Variants in LATS2 observed in about 807,000 individuals in gnomAD.
LATS2 encodes large tumor suppressor kinase 2, also known as serine/threonine-protein kinase LATS2.
A neutral mutation model predicts 76.0 loss-of-function variants in LATS2; 24 were observed. The observed-to-expected ratio is 0.32, with a 90% CI of 0.23 to 0.44. LATS2 has a LOEUF of 0.44. Ranked by LOEUF, LATS2 falls within the 20% of genes least tolerant of loss-of-function variation. The pLI, the probability that LATS2 is intolerant of heterozygous loss-of-function variation, is 1.00. For synonymous variants in LATS2, 692 were observed against 635.4 expected (o/e 1.09, Z -1.34); for missense variants, 1,286 against 1,481.2 (o/e 0.87, Z 2.16).
chr13:21,018,939 C>A (rs905670202), intron 2 of LATS2, among the ~76,000 whole-genome samples: 2 of 152,104 alleles, frequency 1.3e-5, no homozygotes, highest in African/African-American at 4.8e-5. Flanking sequence ...AGCCACTGTG[C>A]CTGGACCCGA....
intron 2 of LATS2, among the ~76,000 whole-genome samples, chr13:21,023,801 C>T (rs1303005506): frequency 2.6e-5 from 4 of 151,796 alleles, no homozygotes; most frequent in Admixed American, 2.6e-4. Context: ...TGGAGAAACC[C>T]CGTCTCTACT....
chr13:21,003,191 T>C (rs1260500911), intron 2 of LATS2, among the ~76,000 whole-genome samples: 1 of 151,138 alleles, frequency 6.6e-6, no homozygotes, highest in African/African-American at 2.4e-5. Context: ...TGTTCCATTA[T>C]TGATTGCTGG....
chr13:20,979,294 C>A (rs948248632), intron 7 of LATS2, among the ~76,000 whole-genome samples: 6 of 152,004 alleles, frequency 3.9e-5, no homozygotes, highest in Non-Finnish European at 8.8e-5. Flanking sequence ...GGGTTTGGCA[C>A]CCCAAACCCC....
chr13:20,985,568 G>A (rs972457422), intron 4 of LATS2, among the ~76,000 whole-genome samples: 4 of 151,790 alleles, frequency 2.6e-5, no homozygotes, highest in Non-Finnish European at 1.5e-5. Flanking sequence ...GTGAAACCCC[G>A]TCTCTACTAA....
chr13:21,056,829 T>C (rs1042138455), intron 1 of LATS2, among the ~76,000 whole-genome samples: 1 of 152,222 alleles, frequency 6.6e-6, no homozygotes, highest in Non-Finnish European at 1.5e-5. Flanking sequence ...GAGAAAGGGA[T>C]GTTTCACCAA....
At chr13:21,059,527 C>T (rs1214707495) in intron 1 of LATS2, among the ~76,000 whole-genome samples, 4 of 151,932 alleles carry the variant, frequency 2.6e-5, no homozygotes, top group Non-Finnish European at 5.9e-5. Context: ...ACCCAGGAGG[C>T]GAGGTTGCAG....
chr13:21,044,735 T>C (rs1008586378), intron 2 of LATS2, among the ~76,000 whole-genome samples: 12 of 107,164 alleles, frequency 1.1e-4, no homozygotes, highest in Middle Eastern at 6.7e-3. Flanking sequence ...TGTGTGTGTG[T>C]GTGTTTTAAA....
At chr13:21,018,105 T>A (rs1045859570) in intron 2 of LATS2, 2 of 152,228 alleles carry the variant, frequency 1.3e-5, no homozygotes, top group East Asian at 3.8e-4. Context: ...ACTGGCTAGT[T>A]TTGATCTGAG....
At chr13:21,022,140 A>C (rs937601430) in intron 2 of LATS2, among the ~76,000 whole-genome samples, 4 of 152,226 alleles carry the variant, frequency 2.6e-5, no homozygotes, top group African/African-American at 9.6e-5. Context: ...CAATTAAATC[A>C]GAACTTCTAA....
chr13:21,003,584 G>T (rs1162991726), intron 2 of LATS2, among the ~76,000 whole-genome samples: 1 of 151,988 alleles, frequency 6.6e-6, no homozygotes, highest in East Asian at 1.9e-4. Flanking sequence ...GGGATTACAG[G>T]TGCCTCGCCA....
At chr13:20,997,856 CA>C (rs1484272276) in intron 2 of LATS2, among the ~76,000 whole-genome samples, 2 of 152,188 alleles carry the variant, frequency 1.3e-5, no homozygotes, top group Non-Finnish European at 2.9e-5. Context: ...AATGCAGTGA[CA>C]ATTATTATGT....
At chr13:20,993,797 A>G (rs949554927) in intron 2 of LATS2, among the ~76,000 whole-genome samples, 1 of 152,174 alleles carries the variant, frequency 6.6e-6, no homozygotes, top group African/African-American at 2.4e-5. Context: ...GATCACGTCT[A>G]CGAAGACTCA....
chr13:20,988,170 C>A lies in LATS2; in HGVS notation c.1610G>T (p.Cys537Phe), dbSNP rs200369113. Residue 537 changes from cysteine to phenylalanine, a missense_variant, in exon 4 of 8, where the codon TGC becomes TTC. Cys to Phe is a radical substitution (Grantham distance 205, BLOSUM62 -2). Around this residue, in one of 5 missense-constraint regions of LATS2, gnomAD observed 710 missense variants for 660.9 expected, o/e 1.07. Coordinates refer to ENST00000382592, the MANE Select transcript of LATS2 (RefSeq NM_014572.3). ...ACGGAGGCTCTGCTCCATGCCTGCG[C>A]ACAGGCTGTCCAGGTCGTACTGCTC... ...KSEQYDLDSLCAGMEQSLRAG... is the reference protein window; with the variant it reads ...KSEQYDLDSLFAGMEQSLRAG... 1.1e-4 allele frequency: 174 copies of A among 1,613,792 alleles called. No homozygotes were observed. The highest frequency in any genetic ancestry group is 1.4e-4 in the Non-Finnish European group (168 of 1,179,994).
Position 20,983,737 on chromosome 13 carries a change from T to G in LATS2, c.1969A>C (p.Arg657=). The change falls in exon 5 of 8, where the codon AGG becomes CGG. Residue 657 remains arginine (R), a synonymous_variant. Coordinates refer to ENST00000382592, the MANE Select transcript of LATS2 (RefSeq NM_014572.3). ...ILYQKESNYN[R]LKRAKMDKSM... is the part of the protein sequence containing the mutation. The stretch of plus-strand genomic sequence containing the variant: ...TTGTCCATCTTGGCCCTCTTTAACC[T>G]GTTGTAATTAGACTCTTTCTGGTAG... 1 of 1,614,162 alleles carries G rather than the reference T, an allele frequency of 6.2e-7. No homozygotes were observed. Among genetic ancestry groups the G allele is most frequent in the Admixed American group, 1.7e-5 (1 of 60,018 alleles).
chr13:20,991,295 C>T lies in LATS2; in HGVS notation c.452G>A (p.Arg151Gln), dbSNP rs45453992. ...YLDPRNEQIV[R>Q]VIKQTSPGKG... is the part of the protein sequence containing the mutation. ...ACCTGGGGAGGTCTGCTTAATGACC[C>T]GCACAATCTGCTCATTCCTCGGGTC... The change falls in exon 3 of 8, where the codon CGG becomes CAG. Residue 151 changes from arginine to glutamine, a missense_variant. By Grantham distance (43) the Arg-to-Gln change is conservative (BLOSUM62 1). This residue lies in a region of LATS2 where 18 missense variants were observed against 58.5 expected (regional missense o/e 0.31). Coordinates refer to ENST00000382592, the MANE Select transcript of LATS2 (RefSeq NM_014572.3). The surrounding 1 kb of genome is among the most constrained non-coding windows in gnomAD (Gnocchi z 4.9). 1,005 of 1,614,212 alleles carry T rather than the reference C, an allele frequency of 6.2e-4. 2 individuals carry two copies. The highest frequency in any genetic ancestry group is 1.2e-3 in the East Asian group (53 of 44,872).
In LATS2 at chr13:20,973,379, T is replaced by G. The variant is rs1010102923; in HGVS notation, c.*1491A>C. ...ATGCTAAGAACTTCAAGGAAAAATA[T>G]GTGGAATAATATAATGAAAATTATG... On this transcript the variant is annotated 3_prime_UTR_variant, in exon 8 of 8. Coordinates refer to ENST00000382592, the MANE Select transcript of LATS2 (RefSeq NM_014572.3). 2 of 231,488 alleles carry G rather than the reference T, an allele frequency of 8.6e-6. No homozygotes were observed. Among genetic ancestry groups the G allele is most frequent in the Non-Finnish European group, 1.7e-5 (2 of 116,994 alleles). 14.3% of individuals were successfully genotyped at this position (231,488 alleles called of 1,614,324 possible).
chr13:21,025,438 T>C (rs908936094), intron 2 of LATS2, among the ~76,000 whole-genome samples: 1 of 148,242 alleles, frequency 6.7e-6, no homozygotes, highest in Non-Finnish European at 1.5e-5. Context: ...TGAGGAAGAG[T>C]TTCTGGTTGG....
chr13:20,989,049 GCCC>G lies in LATS2; in HGVS notation c.728_730del (p.Gly243del). 2 of 1,573,704 alleles carry G rather than the reference GCCC, an allele frequency of 1.3e-6. No homozygotes were observed. The highest frequency in any genetic ancestry group is 2.3e-5 in the South Asian group (2 of 88,134). On this transcript the variant is annotated inframe_deletion, in exon 4 of 8. Coordinates refer to ENST00000382592, the MANE Select transcript of LATS2 (RefSeq NM_014572.3). ...GTGCGCGCCCTGCAGCGGGAAGTGTGCCCCTGCTGCCTCTACGCTGGCACCGTA... is the reference window on the plus strand; with the variant it reads ...GTGCGCGCCCTGCAGCGGGAAGTGTGCTGCTGCCTCTACGCTGGCACCGTA...
chr13:21,006,718 A>G (rs904769890), intron 2 of LATS2, among the ~76,000 whole-genome samples: 4 of 152,222 alleles, frequency 2.6e-5, no homozygotes, highest in African/African-American at 9.6e-5. Context: ...ACAATGGCAC[A>G]TAGGCGTGCC....
Sources: gnomAD v4.1 joint callset for allele counts (sites outside exome capture counted in the v4.1 genomes callset) on GRCh38, gnomAD v4.1.1 for gene constraint, gnomAD v4.1.1 regional missense constraint, Gnocchi (gnomAD v3.1) non-coding constraint, MANE v1.5 for transcripts, NCBI Gene and HGNC (gene_info 2026-07-23, HGNC 2026-07-21) for gene names.